SLC6A15: variants seen among roughly 807,000 people sequenced by gnomAD.
SLC6A15 encodes the protein solute carrier family 6 member 15.
In SLC6A15, 33 loss-of-function variants were observed where a neutral mutation model predicts 68.5. The ratio of observed to expected loss-of-function variants is 0.48; its 90% CI spans 0.37 to 0.64. The LOEUF is 0.64. Ranked by LOEUF, SLC6A15 falls within the 30% of genes least tolerant of loss-of-function variation. The pLI is 0.00. For missense variants in SLC6A15, 747 were observed against 874.3 expected (o/e 0.85, Z 1.84); for synonymous variants, 347 against 301.0 (o/e 1.15, Z -1.58).
chr12:84,879,831 C>A (rs78589332), intron 5 of SLC6A15, among the ~76,000 whole-genome samples: 6,222 of 152,166 alleles, frequency 0.041, 438 homozygotes, highest in African/African-American at 0.14. Context: ...TGGCCTATTA[C>A]TCTTTGCATA....
chr12:84,887,004 G>GTGAT (rs1872141325), intron 2 of SLC6A15, among the ~76,000 whole-genome samples: 1 of 152,102 alleles, frequency 6.6e-6, no homozygotes, highest in African/African-American at 2.4e-5. Flanking sequence ...GTACAGTGGT[G>GTGAT]TGATCACTGT....
At chr12:84,911,358 G>A (rs922064012) in intron 1 of SLC6A15, among the ~76,000 whole-genome samples, 3 of 152,142 alleles carry the variant, frequency 2.0e-5, no homozygotes, top group African/African-American at 7.2e-5. Flanking sequence ...ATCTGGAGGG[G>A]AAAACGGCAA....
chr12:84,911,196 C>T (rs1022740137), intron 1 of SLC6A15, among the ~76,000 whole-genome samples: 2 of 152,114 alleles, frequency 1.3e-5, no homozygotes, highest in African/African-American at 4.8e-5. Flanking sequence ...AGCAGAAAAG[C>T]AATCAGGCAT....
chr12:84,894,861 CA>C (rs1443058421), intron 1 of SLC6A15, among the ~76,000 whole-genome samples: 39 of 151,916 alleles, frequency 2.6e-4, no homozygotes, highest in African/African-American at 9.4e-4. Flanking sequence ...AATATTATAT[CA>C]TAAACACTTT....
At chr12:84,872,470 C>A in intron 8 of SLC6A15, 132 bp downstream of exon 8, 1 of 565,518 alleles carries the variant, frequency 1.8e-6, no homozygotes. Context: ...CTTATAATGC[C>A]CAGGAGCTTC....
At chr12:84,877,255 A>T (rs1045466225) in intron 5 of SLC6A15, among the ~76,000 whole-genome samples, 2 of 152,104 alleles carry the variant, frequency 1.3e-5, no homozygotes, top group African/African-American at 2.4e-5. Context: ...AAACTTCTGA[A>T]TTTCCCTCAA....
At chr12:84,906,542 G>A (rs749233372) in intron 1 of SLC6A15, among the ~76,000 whole-genome samples, 53 of 152,118 alleles carry the variant, frequency 3.5e-4, no homozygotes, top group Non-Finnish European at 6.6e-4. Flanking sequence ...TTATTATATA[G>A]CTACAGTAAT....
intron 5 of SLC6A15, chr12:84,881,557 A>ATACC: frequency 2.0e-6 from 2 of 985,392 alleles, no homozygotes; most frequent in Non-Finnish European, 1.2e-6. Flanking sequence ...TGTCCCTATC[A>ATACC]TACCCCTCTT....
At chr12:84,870,108 C>A (rs927549036) in intron 9 of SLC6A15, among the ~76,000 whole-genome samples, 1 of 151,796 alleles carries the variant, frequency 6.6e-6, no homozygotes, top group Non-Finnish European at 1.5e-5. Flanking sequence ...ATAGGAATAT[C>A]ACATCTGAAC....
chr12:84,872,012 G>A (rs374191561), intron 8 of SLC6A15, among the ~76,000 whole-genome samples: 13 of 152,114 alleles, frequency 8.5e-5, no homozygotes, highest in African/African-American at 3.1e-4. Context: ...ACAAAAATTA[G>A]CCAGGTGTGG....
chr12:84,909,159 G>A (rs866277346), intron 1 of SLC6A15, among the ~76,000 whole-genome samples: 1 of 152,078 alleles, frequency 6.6e-6, no homozygotes, highest in Non-Finnish European at 1.5e-5. Context: ...GAGAGTGCCC[G>A]CTTTCTTCTA....
intron 11 of SLC6A15, among the ~76,000 whole-genome samples, chr12:84,862,939 G>A (rs1170778551): frequency 2.0e-5 from 3 of 152,036 alleles, no homozygotes; most frequent in African/African-American, 7.2e-5. Context: ...ATAGCCGTGT[G>A]CTACCATGCC....
At chr12:84,877,671 T>A (rs1325154656) in intron 5 of SLC6A15, among the ~76,000 whole-genome samples, 1 of 152,178 alleles carries the variant, frequency 6.6e-6, no homozygotes, top group East Asian at 1.9e-4. Context: ...CTCATCTTCA[T>A]CTTCTCCCTG....
intron 2 of SLC6A15, among the ~76,000 whole-genome samples, chr12:84,888,106 A>G (rs549189724): frequency 6.6e-6 from 1 of 151,520 alleles, no homozygotes; most frequent in Admixed American, 6.6e-5. Flanking sequence ...AAGGAAAAAA[A>G]AAAACAGCTG....
At chr12:84,892,820 G>T (rs956947739) in intron 1 of SLC6A15, among the ~76,000 whole-genome samples, 2 of 151,934 alleles carry the variant, frequency 1.3e-5, no homozygotes, top group Non-Finnish European at 2.9e-5. Flanking sequence ...TTGGAGACAG[G>T]GTCCCACTCT....
intron 8 of SLC6A15, among the ~76,000 whole-genome samples, chr12:84,871,343 G>C (rs1871276718): frequency 6.7e-6 from 1 of 150,334 alleles, no homozygotes; most frequent in Non-Finnish European, 1.5e-5. Context: ...TGATATACTG[G>C]TTTGCATAAT....
chr12:84,900,888 GTA>G (rs1198029614), intron 1 of SLC6A15, among the ~76,000 whole-genome samples: 1 of 129,924 alleles, frequency 7.7e-6, no homozygotes, highest in Non-Finnish European at 1.6e-5. Context: ...GAAAGTGGGT[GTA>G]TATATGTGTA....
At chr12:84,872,996 C>G in intron 7 of SLC6A15, 91 bp downstream of exon 7, 2 of 1,436,530 alleles carry the variant, frequency 1.4e-6, no homozygotes, top group South Asian at 1.4e-5. Flanking sequence ...ACATGTATCT[C>G]ATAAATATGT....
At position 84,892,141 on chromosome 12, in the gene SLC6A15, TAAA is replaced by T. The variant is rs5799712; in HGVS notation, c.-24_-22del. Reference sequence around the variant, plus strand: ...GGCATTGGAGAGTATGCGAAGTATTTAAAAAAAAAAAAAAAAACTCCCTTATGG... The same window carrying T: ...GGCATTGGAGAGTATGCGAAGTATTTAAAAAAAAAAAAAACTCCCTTATGG... On this transcript the variant is annotated 5_prime_UTR_variant, in exon 2 of 12. Coordinates refer to ENST00000266682, the MANE Select transcript of SLC6A15 (RefSeq NM_182767.6). The T allele has an allele frequency of 2.0e-4, 265 of 1,342,272 alleles. No individual in the cohort carries two copies. Among genetic ancestry groups the T allele is most frequent in the African/African-American group, 1.4e-3 (89 of 65,062 alleles). The allele number at this position is 1,342,272 out of a possible 1,614,324, so 83.1% of individuals were successfully genotyped here.
Sources: gnomAD v4.1 joint callset for allele counts (sites outside exome capture counted in the v4.1 genomes callset) on GRCh38, gnomAD v4.1.1 for gene constraint, MANE v1.5 for transcripts, NCBI Gene and HGNC (gene_info 2026-07-23, HGNC 2026-07-21) for gene names.